PCDH15: variants seen among roughly 807,000 people sequenced by gnomAD.
PCDH15 encodes the protein protocadherin related 15, also known as protocadherin-15.
A neutral mutation model predicts 178.5 loss-of-function variants in PCDH15; 129 were observed. The ratio of observed to expected loss-of-function variants is 0.72; its 90% CI spans 0.63 to 0.84. The LOEUF is 0.84. Ranked by LOEUF, PCDH15 falls within the 40% of genes least tolerant of loss-of-function variation. The pLI is 0.00. For synonymous variants in PCDH15, 800 were observed against 732.0 expected (o/e 1.09, Z -1.50); for missense variants, 2,230 against 2,099.9 (o/e 1.06, Z -1.21).
chr10:55,396,525 G>A (rs1184139817), intron 2 of PCDH15, among the ~76,000 whole-genome samples: 3 of 152,210 alleles, frequency 2.0e-5, no homozygotes, highest in South Asian at 2.1e-4. Context: ...CCTCAGAGTC[G>A]CTAAAATTGA....
intron 25 of PCDH15, chr10:53,907,188 T>C (rs1188948234): frequency 6.6e-6 from 1 of 152,240 alleles, no homozygotes; most frequent in Non-Finnish European, 1.5e-5. Context: ...AATTTGGATA[T>C]TGATTATTTC....
intron 1 of PCDH15, among the ~76,000 whole-genome samples, chr10:54,750,193 C>T (rs1402603592): frequency 6.7e-6 from 1 of 150,208 alleles, no homozygotes; most frequent in Non-Finnish European, 1.5e-5. Flanking sequence ...TATTCTCAAA[C>T]AATTTATTTT....
In PCDH15 at chr10:55,282,774, C is replaced by T. The variant is rs756586140; in HGVS notation, c.-156+36825G>A. On this transcript the variant is annotated intron_variant, in intron 1 of 5. Coordinates refer to the PCDH15 transcript ENST00000458638. ...TTAGAAACATTTCAGTAAGTTTAAG[C>T]GAGAGCTTTCAATAATTTCATCAAT... Among the ~76,000 whole-genome samples, 8 of 152,070 alleles carry T rather than the reference C, an allele frequency of 5.3e-5. No individual in the cohort carries two copies. The South Asian group carries it at 6.2e-4, about 12-fold the overall frequency.
In PCDH15 at chr10:55,422,716, A is replaced by G. The variant is rs571988761; in HGVS notation, c.-156+204909T>C. On this transcript the variant is annotated intron_variant, in intron 2 of 5. Transcript: ENST00000613346. ...AGGCAGAGTATATTAAAATAATCCA[A>G]TGGTATGTTGTGCTCGGCATGGGAA... Among the ~76,000 whole-genome samples, 5 of 151,946 alleles carry G rather than the reference A, an allele frequency of 3.3e-5. No homozygotes were observed. The East Asian group carries it at 7.7e-4, about 23-fold the overall frequency.
chr10:54,005,690 C>A (rs1218070662), intron 20 of PCDH15, among the ~76,000 whole-genome samples: 1 of 151,950 alleles, frequency 6.6e-6, no homozygotes, highest in Non-Finnish European at 1.5e-5. Context: ...AGAAAAGGAA[C>A]CCTCACACAC....
intron 3 of PCDH15, among the ~76,000 whole-genome samples, chr10:54,476,089 A>C (rs2136805011): frequency 6.6e-6 from 1 of 151,142 alleles, no homozygotes; most frequent in African/African-American, 2.4e-5. Flanking sequence ...CTATGCTACA[A>C]GCTTTAACAC....
At chr10:55,055,705 A>G (rs376407465) in intron 2 of PCDH15, among the ~76,000 whole-genome samples, 1 of 152,272 alleles carries the variant, frequency 6.6e-6, no homozygotes, top group African/African-American at 2.4e-5. Context: ...CAGGAGGCTG[A>G]GGCAGGAGAA....
At chr10:54,947,775 T>C (rs1020147570) in intron 2 of PCDH15, among the ~76,000 whole-genome samples, 4 of 151,990 alleles carry the variant, frequency 2.6e-5, no homozygotes, top group African/African-American at 9.7e-5. Flanking sequence ...CATCCCAGAA[T>C]AAAATCCTGT....
chr10:55,488,005 T>A (rs181400864), intron 2 of PCDH15, among the ~76,000 whole-genome samples: 3 of 151,706 alleles, frequency 2.0e-5, no homozygotes, highest in African/African-American at 7.2e-5. Context: ...ATAGTTAGGT[T>A]CAGTCCTGCA....
intron 18 of PCDH15, among the ~76,000 whole-genome samples, chr10:54,036,730 A>C (rs1254976318): frequency 6.6e-6 from 1 of 151,962 alleles, no homozygotes; most frequent in Non-Finnish European, 1.5e-5. Context: ...ATAAAGGAGT[A>C]AATTTGAGGT....
chr10:55,101,503 G>A (rs1348379177), intron 2 of PCDH15, among the ~76,000 whole-genome samples: 2 of 151,886 alleles, frequency 1.3e-5, no homozygotes, highest in Non-Finnish European at 2.9e-5. Context: ...CTCAGTCTGG[G>A]CTACAAAATC....
chr10:54,713,108 A>G (rs2132386169), intron 1 of PCDH15, among the ~76,000 whole-genome samples: 1 of 152,176 alleles, frequency 6.6e-6, no homozygotes, highest in African/African-American at 2.4e-5. Context: ...ATGCCTTGGC[A>G]TAAATCTAGA....
At chr10:54,737,216 C>G (rs916658671) in intron 1 of PCDH15, among the ~76,000 whole-genome samples, 1 of 152,048 alleles carries the variant, frequency 6.6e-6, no homozygotes, top group Non-Finnish European at 1.5e-5. Context: ...CTGGCGCTGA[C>G]CCAGTGGCTA....
intron 4 of PCDH15, among the ~76,000 whole-genome samples, chr10:54,377,135 A>G (rs561154213): frequency 6.6e-6 from 1 of 152,248 alleles, no homozygotes; most frequent in Non-Finnish European, 1.5e-5. Flanking sequence ...ATTAATAAGT[A>G]TTATAAATAT....
chr10:55,246,672 C>T (rs1198186495), intron 1 of PCDH15, among the ~76,000 whole-genome samples: 10 of 152,132 alleles, frequency 6.6e-5, no homozygotes, highest in Non-Finnish European at 1.5e-4. Context: ...CAGACTTATG[C>T]TCATGTGTAT....
chr10:54,398,461 G>A (rs566997438), intron 3 of PCDH15, among the ~76,000 whole-genome samples: 1 of 151,844 alleles, frequency 6.6e-6, no homozygotes, highest in African/African-American at 2.4e-5. Context: ...TAACAAAATT[G>A]TCCTAACAAT....
In PCDH15 at chr10:54,551,381, G is replaced by A. The variant is rs546421277; in HGVS notation, c.92-23504C>T. Among the ~76,000 whole-genome samples, 4 of 152,088 alleles carry A rather than the reference G, an allele frequency of 2.6e-5. No homozygotes were observed. The South Asian group carries it at 8.3e-4, about 32-fold the overall frequency. On this transcript the variant is annotated intron_variant, in intron 2 of 37. Transcript: ENST00000644397. Reference sequence around the variant, plus strand: ...TTAATCTAGAAATTAAATGTATCATGTCAGCTAGTTTTAATATATGGATGC... The same window carrying A: ...TTAATCTAGAAATTAAATGTATCATATCAGCTAGTTTTAATATATGGATGC...
At chr10:54,897,879 A>G (rs1362681535) in intron 2 of PCDH15, among the ~76,000 whole-genome samples, 1 of 152,242 alleles carries the variant, frequency 6.6e-6, no homozygotes, top group African/African-American at 2.4e-5. Flanking sequence ...AAAACTGAGC[A>G]ATAAATATAA....
intron 1 of PCDH15, among the ~76,000 whole-genome samples, chr10:55,234,904 T>C (rs1234067670): frequency 9.2e-6 from 1 of 108,520 alleles, no homozygotes; most frequent in Non-Finnish European, 1.9e-5. Context: ...TCAAAGTATA[T>C]ATTATTATTT....
Sources: gnomAD v4.1 joint callset for allele counts (sites outside exome capture counted in the v4.1 genomes callset) on GRCh38, gnomAD v4.1.1 for gene constraint, MANE v1.5 for transcripts, NCBI Gene and HGNC (gene_info 2026-07-23, HGNC 2026-07-21) for gene names.